The following PDZRN4 variants were observed in gnomAD, a reference collection of about 807,000 sequenced individuals.
The protein encoded by PDZRN4 is PDZ domain containing ring finger 4.
Under a neutral mutation model 99.0 loss-of-function variants are expected in PDZRN4, and 70 were observed. The ratio of observed to expected loss-of-function variants is 0.71; its 90% confidence interval spans 0.58 to 0.86. The LOEUF (loss-of-function observed/expected upper bound fraction) is 0.86, where lower values mean the gene tolerates loss of function less well. PDZRN4 is among the 40% of genes least tolerant of loss of function. The pLI is 0.00. For missense variants in PDZRN4, 1,474 were observed against 1,331.2 expected (o/e 1.11, Z -1.67); for synonymous variants, 551 against 501.6 (o/e 1.10, Z -1.32).
At chr12:41,380,904 A>T (rs544590690) in intron 3 of PDZRN4, among the ~76,000 whole-genome samples, 4 of 152,280 alleles carry the variant, frequency 2.6e-5, no homozygotes, top group African/African-American at 9.6e-5. Flanking sequence ...CTTGTAAGGC[A>T]ATTCTAGTAG....
intron 3 of PDZRN4, among the ~76,000 whole-genome samples, chr12:41,346,268 C>G (rs1453486141): frequency 6.6e-6 from 1 of 152,128 alleles, no homozygotes. Context: ...CGAGACCATT[C>G]TGGCTAACAC....
intron 3 of PDZRN4, among the ~76,000 whole-genome samples, chr12:41,282,484 A>G (rs759018397): frequency 5.3e-5 from 8 of 152,166 alleles, no homozygotes; most frequent in Non-Finnish European, 1.0e-4. Context: ...ATTAACAAGG[A>G]TATTCGGGAG....
intron 3 of PDZRN4, among the ~76,000 whole-genome samples, chr12:41,491,535 C>A (rs1394229650): frequency 1.3e-5 from 2 of 151,846 alleles, no homozygotes; most frequent in African/African-American, 4.8e-5. Flanking sequence ...AACAAACAAA[C>A]AAAAAAATAA....
chr12:41,283,828 C>T (rs756715282), intron 3 of PDZRN4, among the ~76,000 whole-genome samples: 14 of 152,254 alleles, frequency 9.2e-5, no homozygotes, highest in Middle Eastern at 3.4e-3. Context: ...GCTAAAAACA[C>T]TCAATAAACT....
chr12:41,433,030 A>G (rs1463658987), intron 3 of PDZRN4, among the ~76,000 whole-genome samples: 2 of 152,220 alleles, frequency 1.3e-5, no homozygotes, highest in African/African-American at 4.8e-5. Context: ...GTTCAGGTAC[A>G]GCTCCTAATT....
intron 3 of PDZRN4, among the ~76,000 whole-genome samples, chr12:41,287,549 T>C (rs1789071965): frequency 6.6e-6 from 1 of 152,218 alleles, no homozygotes; most frequent in South Asian, 2.1e-4. Flanking sequence ...AATGTGAAAA[T>C]AACTTGCAGA....
intron 3 of PDZRN4, chr12:41,409,902 T>G (rs1470332501): frequency 6.6e-6 from 1 of 152,214 alleles, no homozygotes; most frequent in African/African-American, 2.4e-5. Flanking sequence ...TCCATCTCCA[T>G]ATTAGAATTC....
intron 3 of PDZRN4, among the ~76,000 whole-genome samples, chr12:41,237,047 C>T (rs1433091949): frequency 6.6e-6 from 1 of 151,848 alleles, no homozygotes; most frequent in African/African-American, 2.4e-5. Flanking sequence ...TGCAAAAAGG[C>T]AAGAAGGATT....
intron 3 of PDZRN4, among the ~76,000 whole-genome samples, chr12:41,204,824 ATATAGT>A (rs1950837700): frequency 6.6e-6 from 1 of 151,922 alleles, no homozygotes; most frequent in Non-Finnish European, 1.5e-5. Flanking sequence ...ACTTGATTTG[ATATAGT>A]TAGAAGTACT....
At chr12:41,499,889 G>A (rs1040943116) in intron 3 of PDZRN4, among the ~76,000 whole-genome samples, 3 of 151,912 alleles carry the variant, frequency 2.0e-5, no homozygotes, top group African/African-American at 7.2e-5. Context: ...ATCTCATTGG[G>A]GTGCTGGGAG....
chr12:41,354,899 A>G (rs1951915599), intron 3 of PDZRN4, among the ~76,000 whole-genome samples: 1 of 152,046 alleles, frequency 6.6e-6, no homozygotes, highest in Non-Finnish European at 1.5e-5. Context: ...ACATACCATT[A>G]CAAAGATAAC....
chr12:41,444,135 C>T (rs927595775), intron 3 of PDZRN4, among the ~76,000 whole-genome samples: 12 of 152,026 alleles, frequency 7.9e-5, no homozygotes, highest in African/African-American at 2.7e-4. Context: ...AACCGAGTAT[C>T]TTTGGATTTG....
intron 5 of PDZRN4, among the ~76,000 whole-genome samples, chr12:41,527,599 T>G (rs1938590682): frequency 6.6e-6 from 1 of 152,218 alleles, no homozygotes; most frequent in African/African-American, 2.4e-5. Context: ...ACACATTATT[T>G]AAGTCAACTG....
At chr12:41,332,666 A>T (rs77687921) in intron 3 of PDZRN4, among the ~76,000 whole-genome samples, 128 of 151,140 alleles carry the variant, frequency 8.5e-4, no homozygotes, top group Middle Eastern at 3.4e-3. Context: ...AATCAAGAGG[A>T]ATGACCAAGA....
chr12:41,556,514 C>T (rs187375164), intron 7 of PDZRN4, among the ~76,000 whole-genome samples: 9 of 152,240 alleles, frequency 5.9e-5, no homozygotes, highest in Admixed American at 2.0e-4. Context: ...TGTATCTAAA[C>T]GTAGAAAAGG....
At chr12:41,274,716 A>G (rs1447772915) in intron 3 of PDZRN4, among the ~76,000 whole-genome samples, 1 of 152,152 alleles carries the variant, frequency 6.6e-6, no homozygotes, top group Non-Finnish European at 1.5e-5. Context: ...AAGTTTTCTT[A>G]TATTTTGCCA....
At chr12:41,569,484 A>T (rs972346531) in intron 9 of PDZRN4, among the ~76,000 whole-genome samples, 5 of 151,530 alleles carry the variant, frequency 3.3e-5, no homozygotes, top group Admixed American at 6.6e-5. Flanking sequence ...CGAACTCCTG[A>T]CCTCAAGTGC....
intron 3 of PDZRN4, among the ~76,000 whole-genome samples, chr12:41,346,424 T>A (rs1951855439): frequency 6.6e-6 from 1 of 152,024 alleles, no homozygotes; most frequent in Non-Finnish European, 1.5e-5. Context: ...ATAGCGCCAC[T>A]GCAGTCAGGC....
intron 5 of PDZRN4, among the ~76,000 whole-genome samples, chr12:41,522,807 T>A (rs1396545386): frequency 6.6e-6 from 1 of 152,130 alleles, no homozygotes; most frequent in East Asian, 1.9e-4. Flanking sequence ...CTGATTAGTA[T>A]CAGATCAATC....
Sources: gnomAD v4.1 joint callset for allele counts (sites outside exome capture counted in the v4.1 genomes callset) on GRCh38, gnomAD v4.1.1 for gene constraint, MANE v1.5 for transcripts, NCBI Gene and HGNC (gene_info 2026-07-23, HGNC 2026-07-21) for gene names.